Variants in SORCS1 observed in about 807,000 individuals in gnomAD.
SORCS1 encodes sortilin related VPS10 domain containing receptor 1.
Under a neutral mutation model 146.1 loss-of-function variants are expected in SORCS1, and 60 were observed. The ratio of observed to expected loss-of-function variants is 0.41; its 90% CI spans 0.33 to 0.51. The LOEUF (loss-of-function observed/expected upper bound fraction) is 0.51, where lower values mean the gene tolerates loss of function less well. Among genes scored for constraint, SORCS1 ranks in the 20% least tolerant of loss-of-function variants. SORCS1 has a pLI of 0.21. For synonymous variants in SORCS1, 637 were observed against 584.0 expected, an observed-to-expected ratio of 1.09 and a Z score of -1.31; for missense variants, 1,352 against 1,487.6, an observed-to-expected ratio of 0.91 and a Z score of 1.50.
At chr10:106,702,855 A>G (rs1263439410) in intron 8 of SORCS1, among the ~76,000 whole-genome samples, 1 of 152,174 alleles carries the variant, frequency 6.6e-6, no homozygotes, top group African/African-American at 2.4e-5. Context: ...CAGATTTTGT[A>G]TTGAAGCATT....
At chr10:107,175,403 C>A in the SORCS1 span, among the ~76,000 whole-genome samples, 1 of 152,054 alleles carries the variant, frequency 6.6e-6, no homozygotes, top group African/African-American at 2.4e-5. Context: ...TTATGGGAAG[C>A]TTTATTTACT....
intron 5 of SORCS1, among the ~76,000 whole-genome samples, chr10:106,738,521 G>T (rs956237120): frequency 1.3e-5 from 2 of 152,146 alleles, no homozygotes; most frequent in African/African-American, 4.8e-5. Flanking sequence ...CTGGAGGGGT[G>T]TGCTTGTGTT....
intron 1 of SORCS1, among the ~76,000 whole-genome samples, chr10:107,135,579 T>G (rs1967223456): frequency 6.6e-6 from 1 of 152,234 alleles, no homozygotes; most frequent in Non-Finnish European, 1.5e-5. Context: ...TCCAGAAGGG[T>G]GCTCCTTATA....
intron 2 of SORCS1, among the ~76,000 whole-genome samples, chr10:106,863,233 C>G (rs1272055032): frequency 6.6e-6 from 1 of 151,896 alleles, no homozygotes. Context: ...ATATGAAATG[C>G]TTACAGAGGG....
chr10:106,831,983 G>C (rs1948566033), intron 2 of SORCS1, among the ~76,000 whole-genome samples: 1 of 152,162 alleles, frequency 6.6e-6, no homozygotes, highest in South Asian at 2.1e-4. Flanking sequence ...ACATTAGCTT[G>C]ATAGTCAAGA....
chr10:106,752,129 C>T (rs1589804508), intron 5 of SORCS1, among the ~76,000 whole-genome samples: 1 of 152,178 alleles, frequency 6.6e-6, no homozygotes, highest in Non-Finnish European at 1.5e-5. Flanking sequence ...TAGAAATTTA[C>T]ACCTGAATAT....
At chr10:107,125,128 T>G (rs1319992764) in intron 1 of SORCS1, among the ~76,000 whole-genome samples, 4 of 151,996 alleles carry the variant, frequency 2.6e-5, no homozygotes, top group African/African-American at 9.6e-5. Flanking sequence ...AATTTTTATA[T>G]TTTTACTAAA....
chr10:106,835,737 G>A (rs1244531623), intron 2 of SORCS1, among the ~76,000 whole-genome samples: 1 of 152,184 alleles, frequency 6.6e-6, no homozygotes, highest in African/African-American at 2.4e-5. Context: ...CGGGTGTGAT[G>A]GCTCATGTCT....
At chr10:106,857,132 TC>T (rs1035632030) in intron 2 of SORCS1, among the ~76,000 whole-genome samples, 3 of 152,076 alleles carry the variant, frequency 2.0e-5, no homozygotes, top group East Asian at 1.9e-4. Flanking sequence ...CACCCCCAGA[TC>T]CCCAGTCCCC....
chr10:106,951,808 C>A (rs752744858), intron 2 of SORCS1, among the ~76,000 whole-genome samples: 1 of 152,138 alleles, frequency 6.6e-6, no homozygotes, highest in Admixed American at 6.5e-5. Flanking sequence ...CTAAGACTTG[C>A]CTGAGGTCAT....
Position 107,064,294 on chromosome 10 carries a change from G to A in SORCS1, c.558+99675C>T, listed in dbSNP as rs112832536. 5.9e-3 allele frequency among the ~76,000 whole-genome samples: 891 copies of A among 152,188 alleles called. 6 individuals carry two copies. The highest frequency in any genetic ancestry group is 0.02 in the African/African-American group (844 of 41,532). On this transcript the variant is annotated intron_variant, in intron 1 of 25. Coordinates refer to ENST00000263054, the MANE Select transcript of SORCS1 (RefSeq NM_052918.5). ...GAAATGATTTATCCTTATTTGTCCC[G>A]CCCTCATCTCCTCTGACACCCACAA...
intron 2 of SORCS1, among the ~76,000 whole-genome samples, chr10:106,865,088 G>A (rs1207743636): frequency 6.6e-6 from 1 of 151,986 alleles, no homozygotes; most frequent in African/African-American, 2.4e-5. Flanking sequence ...AGGTGACCAG[G>A]GGCTGAATCA....
intron 1 of SORCS1, among the ~76,000 whole-genome samples, chr10:107,105,044 GT>G (rs1965209628): frequency 6.6e-6 from 1 of 152,204 alleles, no homozygotes; most frequent in South Asian, 2.1e-4. Context: ...TATTTGAAAA[GT>G]GCACGAAAAT....
At chr10:107,128,352 T>C (rs548395060) in intron 1 of SORCS1, among the ~76,000 whole-genome samples, 2 of 152,236 alleles carry the variant, frequency 1.3e-5, no homozygotes, top group African/African-American at 2.4e-5. Context: ...GCTCTCACAG[T>C]TAGGGAAGTT....
chr10:106,607,695 G>A (rs752369126), intron 22 of SORCS1, among the ~76,000 whole-genome samples: 11 of 152,166 alleles, frequency 7.2e-5, no homozygotes, highest in Non-Finnish European at 1.2e-4. Context: ...TTGCTAGAGA[G>A]CATCTCCAAG....
chr10:106,878,158 G>A (rs1169254403), intron 2 of SORCS1, among the ~76,000 whole-genome samples: 1 of 132,456 alleles, frequency 7.5e-6, no homozygotes, highest in African/African-American at 3.0e-5. Flanking sequence ...ACCAAGAGCA[G>A]ACAGGGCTTT....
chr10:107,113,741 C>T (rs901145306), intron 1 of SORCS1, among the ~76,000 whole-genome samples: 1 of 145,720 alleles, frequency 6.9e-6, no homozygotes, highest in Non-Finnish European at 1.5e-5. Flanking sequence ...CCTATTGTTA[C>T]ACCTCAAGGA....
chr10:106,814,448 A>G (rs1947629579), intron 3 of SORCS1, among the ~76,000 whole-genome samples: 2 of 152,212 alleles, frequency 1.3e-5, no homozygotes, highest in Admixed American at 6.5e-5. Flanking sequence ...CAGAAATGCA[A>G]AGATCGGGGT....
chr10:106,888,857 C>T (rs910647627), intron 2 of SORCS1, among the ~76,000 whole-genome samples: 12 of 152,114 alleles, frequency 7.9e-5, no homozygotes, highest in African/African-American at 2.4e-4. Flanking sequence ...AGGAATGGAA[C>T]GGAGTTTACG....
Sources: gnomAD v4.1 joint callset for allele counts (sites outside exome capture counted in the v4.1 genomes callset) on GRCh38, gnomAD v4.1.1 for gene constraint, MANE v1.5 for transcripts, NCBI Gene and HGNC (gene_info 2026-07-23, HGNC 2026-07-21) for gene names.